Variants in MRPL3 observed in about 807,000 individuals in gnomAD.
The protein encoded by MRPL3 is mitochondrial ribosomal protein L3, also known as large ribosomal subunit protein uL3m.
A neutral mutation model predicts 44.3 loss-of-function variants in MRPL3; 43 were observed. The ratio of observed to expected loss-of-function variants is 0.97; its 90% CI spans 0.76 to 1.25. The LOEUF (loss-of-function observed/expected upper bound fraction) is 1.25. MRPL3 is among the 50% of genes most tolerant of loss of function. The probability of loss-of-function intolerance (pLI) is 0.00; values close to 1 mark genes in which losing one functional copy is unlikely to be tolerated. For missense variants in MRPL3, 406 were observed against 427.6 expected, an observed-to-expected ratio of 0.95 and a Z score of 0.45; for synonymous variants, 171 against 152.3, an observed-to-expected ratio of 1.12 and a Z score of -0.91.
At chr3:131,501,325 G>T (rs897167172) in intron 2 of MRPL3, among the ~76,000 whole-genome samples, 4 of 152,166 alleles carry the variant, frequency 2.6e-5, no homozygotes, top group African/African-American at 9.7e-5. Flanking sequence ...AGCTTCTCAA[G>T]GAGGTCTTTA....
chr3:131,468,100 G>A lies in MRPL3; in HGVS notation c.885C>T (p.Cys295=), dbSNP rs201756957. The A allele has an allele frequency of 3.0e-4, 461 of 1,552,726 alleles. No individual in the cohort carries two copies. The highest frequency in any genetic ancestry group is 5.2e-4 in the Middle Eastern group (3 of 5,808). ...VNGSVPGHKN[C]LVKVKDSKLP... ...AGACACTTATACTTACCTTTACTAA[G>A]CAATTTTTATGTCCAGGTACAGAGC... is the stretch of plus-strand genomic sequence containing the variant. Residue 295 remains cysteine, a synonymous_variant, in exon 9 of 10, where the codon TGC becomes TGT. Coordinates refer to ENST00000264995, the MANE Select transcript of MRPL3 (RefSeq NM_007208.4).
At chr3:131,482,451 C>A (rs902373675) in intron 6 of MRPL3, among the ~76,000 whole-genome samples, 2 of 151,336 alleles carry the variant, frequency 1.3e-5, no homozygotes, top group South Asian at 2.1e-4. Flanking sequence ...GGAGGCAGAG[C>A]TTGCAGTGAG....
chr3:131,492,416 G>A (rs1934278825), intron 4 of MRPL3, among the ~76,000 whole-genome samples: 1 of 152,052 alleles, frequency 6.6e-6, no homozygotes, highest in African/African-American at 2.4e-5. Context: ...TTTTTCCACA[G>A]ACCAGTGGAG....
At chr3:131,479,188 C>A (rs774522148) in intron 6 of MRPL3, 4 of 519,070 alleles carry the variant, frequency 7.7e-6, no homozygotes, top group Middle Eastern at 3.2e-4. Context: ...CACTGTCCCC[C>A]CTGCCTGGAC....
chr3:131,482,866 C>T lies in MRPL3; in HGVS notation c.629+4814G>A, dbSNP rs146729240. ...CAGGAAGTGTCTCTCCATGCTATTA[C>T]GAATGCATCACTACCATCTCTGTCC... On this transcript the variant is annotated intron_variant, in intron 6 of 9. Transcript: ENST00000264995. 6.2e-5 allele frequency among the ~76,000 whole-genome samples: 9 copies of T among 145,296 alleles called. No individual in the cohort carries two copies. The East Asian group carries it at 1.4e-3, about 22-fold the overall frequency.
Position 131,481,588 on chromosome 3 carries a change from C to G in MRPL3, c.629+6092G>C, listed in dbSNP as rs146567273. Among the ~76,000 whole-genome samples, 76 of 152,278 alleles carry G rather than the reference C, an allele frequency of 5.0e-4. 1 individual carries two copies. Among genetic ancestry groups the G allele is most frequent in the African/African-American group, 1.6e-3 (67 of 41,550 alleles). On this transcript the variant is annotated intron_variant, in intron 6 of 9. Transcript: ENST00000264995. ...CCACCTTACATTGCCTCTTATTAGG[C>G]CTTAATTTTGCTGAGCTTGAGTAAA...
chr3:131,500,459 C>T lies in MRPL3; in HGVS notation c.340G>A (p.Gly114Ser), dbSNP rs1268123027. The T allele has an allele frequency of 1.4e-5, 22 of 1,613,626 alleles. No homozygotes were observed. Among genetic ancestry groups the T allele is most frequent in the Admixed American group, 3.3e-5 (2 of 60,010 alleles). The change falls in exon 3 of 10, where the codon GGT becomes AGT. Residue 114 changes from glycine (G) to serine (S), a missense_variant. Coordinates refer to ENST00000264995, the MANE Select transcript of MRPL3 (RefSeq NM_007208.4). ...AGTAATGTGACCACATGCTTTTGAC[C>T]ATCCTTGGTCCATAAAGGCATCATG... is the stretch of plus-strand genomic sequence containing the variant. Reference protein sequence around the residue: ...LGMMPLWTKDGQKHVVTLLQV... With the variant: ...LGMMPLWTKDSQKHVVTLLQV...
rs1582723956 is a variant in MRPL3 at position 131,501,973 on chromosome 3, A to C, written c.93-258T>G. 2.1e-6 allele frequency: 3 copies of C among 1,444,710 alleles called. No homozygotes were observed. In the East Asian group the frequency reaches 7.4e-5, roughly 36 times the overall value. The allele number at this position is 1,444,710 out of a possible 1,614,324, so 89.5% of individuals were successfully genotyped here. A position where few individuals can be genotyped will look rare whatever the true frequency, so the allele number is the denominator to read the frequency against. On this transcript the variant is annotated intron_variant, in intron 1 of 9. Transcript: ENST00000264995. ...CCTCGCAGATAAACATATTCCCCAA[A>C]AAACAGTCCTACCTATAGACATGAA...
intron 9 of MRPL3, among the ~76,000 whole-genome samples, chr3:131,464,655 C>T (rs1303446273): frequency 6.6e-6 from 1 of 152,134 alleles, no homozygotes; most frequent in Non-Finnish European, 1.5e-5. Flanking sequence ...TTAGAACATA[C>T]ATTTATACTT....
At chr3:131,477,385 C>T (rs747888015) in intron 6 of MRPL3, among the ~76,000 whole-genome samples, 19 of 152,164 alleles carry the variant, frequency 1.2e-4, no homozygotes, top group Admixed American at 1.2e-3. Context: ...ACACAAACTG[C>T]TTCTCCTTCT....
rs117843525 is a variant in MRPL3 at position 131,494,791 on chromosome 3, A to G, written c.468+3388T>C. ...TAGAGTTAAAACCAGAAGCAATGTA[A>G]AAGACTTTTTTCTTTTTTTCAGACT... On this transcript the variant is annotated intron_variant, in intron 4 of 9. Coordinates refer to ENST00000264995, the MANE Select transcript of MRPL3 (RefSeq NM_007208.4). Among the ~76,000 whole-genome samples, 31 of 152,322 alleles carry G rather than the reference A, an allele frequency of 2.0e-4. No homozygotes were observed. The East Asian group carries it at 5.0e-3, about 25-fold the overall frequency.
At chr3:131,498,925 T>TTA (rs1423572186) in intron 3 of MRPL3, among the ~76,000 whole-genome samples, 2 of 152,086 alleles carry the variant, frequency 1.3e-5, no homozygotes, top group African/African-American at 4.8e-5. Flanking sequence ...CCTGGGAACT[T>TTA]AATAAAGACA....
chr3:131,490,373 A>C (rs1263648483), intron 4 of MRPL3, among the ~76,000 whole-genome samples: 2 of 152,188 alleles, frequency 1.3e-5, no homozygotes, highest in East Asian at 1.9e-4. Context: ...AGTTGTGCTC[A>C]TATTTAAATT....
Position 131,462,822 on chromosome 3 carries a change from G to A in MRPL3, c.948C>T (p.Phe316=), listed in dbSNP as rs1933520147. ...AYKDLGKNLP[F]PTYFPDGDEE... ...CATCTCCATCAGGAAAATATGTAGG[G>A]AATGGTAGATTTTTACCGAGATCCT... is the stretch of plus-strand genomic sequence containing the variant. The change falls in exon 10 of 10, where the codon TTC becomes TTT. Residue 316 remains phenylalanine (F), a synonymous_variant. Coordinates refer to ENST00000264995, the MANE Select transcript of MRPL3 (RefSeq NM_007208.4). 6.2e-7 allele frequency: 1 copy of A among 1,612,494 alleles called. No individual in the cohort carries two copies. Among genetic ancestry groups the A allele is most frequent in the Non-Finnish European group, 8.5e-7 (1 of 1,179,028 alleles).
chr3:131,491,161 C>T (rs1481653630), intron 4 of MRPL3, among the ~76,000 whole-genome samples: 1 of 152,138 alleles, frequency 6.6e-6, no homozygotes. Context: ...GAAAGACTTG[C>T]CAAGTCTACT....
At chr3:131,486,355 T>C (rs569280783) in intron 6 of MRPL3, among the ~76,000 whole-genome samples, 160 of 88,338 alleles carry the variant, frequency 1.8e-3, no homozygotes, top group Middle Eastern at 0.011. Context: ...CCAAAGAGCT[T>C]CTGCACGGCA....
chr3:131,462,609 C>A lies in MRPL3; in HGVS notation c.*114G>T. The stretch of plus-strand genomic sequence containing the variant: ...ATATTTATGCCCTTGACAAAGATGA[C>A]ATGTGTGATTTTGTTGTGACTAAGA... On this transcript the variant is annotated 3_prime_UTR_variant, in exon 10 of 10. Transcript: ENST00000264995. The A allele has an allele frequency of 1.0e-6, 1 of 994,358 alleles. No individual in the cohort carries two copies. The highest frequency in any genetic ancestry group is 1.4e-6 in the Non-Finnish European group (1 of 698,118). 61.6% of individuals were successfully genotyped at this position (994,358 alleles called of 1,614,324 possible).
intron 4 of MRPL3, among the ~76,000 whole-genome samples, chr3:131,492,375 C>T (rs1389860188): frequency 2.6e-5 from 4 of 152,088 alleles, no homozygotes; most frequent in African/African-American, 9.7e-5. Flanking sequence ...CCAACCTTTT[C>T]GGTACCAGCG....
chr3:131,483,035 C>A (rs1238346822), intron 6 of MRPL3, among the ~76,000 whole-genome samples: 1 of 146,238 alleles, frequency 6.8e-6, no homozygotes, highest in Non-Finnish European at 1.5e-5. Flanking sequence ...CAGAATTCAA[C>A]AGAAAAAAAA....
Sources: allele counts gnomAD v4.1 joint callset (sites outside exome capture counted in the v4.1 genomes callset), GRCh38; gene constraint gnomAD v4.1.1; transcripts MANE v1.5; gene names NCBI Gene and HGNC (gene_info 2026-07-23, HGNC 2026-07-21).